The following SAMMSON variants were observed in gnomAD, a reference collection of about 807,000 sequenced individuals.
SAMMSON encodes long intergenic non-protein coding RNA 1212.
chr3:70,246,608 T>C (rs1417925696), intron 4 of SAMMSON, among the ~76,000 whole-genome samples: 1 of 152,086 alleles, frequency 6.6e-6, no homozygotes, highest in African/African-American at 2.4e-5. Context: ...ACGAGGAACA[T>C]ACTTGATAAC....
intron 2 of SAMMSON, among the ~76,000 whole-genome samples, chr3:70,412,534 T>G (rs1432831451): frequency 6.6e-6 from 1 of 152,154 alleles, no homozygotes; most frequent in East Asian, 1.9e-4. Context: ...GGTGCAGAAG[T>G]GTTTGCTAAA....
intron 3 of SAMMSON, among the ~76,000 whole-genome samples, chr3:70,048,449 G>T (rs1384718829): frequency 6.6e-6 from 1 of 151,950 alleles, no homozygotes; most frequent in African/African-American, 2.4e-5. Flanking sequence ...TGGCACATAA[G>T]AATCATTTTT....
At chr3:70,089,216 A>G (rs1371660539) in intron 4 of SAMMSON, among the ~76,000 whole-genome samples, 1 of 152,190 alleles carries the variant, frequency 6.6e-6, no homozygotes, top group Non-Finnish European at 1.5e-5. Context: ...CAAGAATAGA[A>G]GAGTTTTACT....
chr3:70,052,118 TA>T (rs948351206), intron 3 of SAMMSON, among the ~76,000 whole-genome samples: 2 of 151,864 alleles, frequency 1.3e-5, no homozygotes, highest in African/African-American at 4.8e-5. Flanking sequence ...AAATAAATAA[TA>T]AAAAAGAGAG....
intron 4 of SAMMSON, among the ~76,000 whole-genome samples, chr3:70,089,970 T>C (rs938342319): frequency 3.3e-5 from 5 of 152,134 alleles, no homozygotes; most frequent in Non-Finnish European, 1.5e-5. Flanking sequence ...AGTGATTTCC[T>C]ATTATAGGAA....
chr3:70,167,016 G>T (rs766827386), intron 4 of SAMMSON, among the ~76,000 whole-genome samples: 1 of 151,972 alleles, frequency 6.6e-6, no homozygotes, highest in African/African-American at 2.4e-5. Flanking sequence ...AAATTTTATA[G>T]TAGTTACAAT....
intron 2 of SAMMSON, among the ~76,000 whole-genome samples, chr3:70,405,379 A>G (rs1488437766): frequency 6.6e-6 from 1 of 152,252 alleles, no homozygotes; most frequent in African/African-American, 2.4e-5. Flanking sequence ...ATCACAAATT[A>G]CTACACACCC....
intron 4 of SAMMSON, among the ~76,000 whole-genome samples, chr3:70,115,086 A>T (rs1301313678): frequency 6.6e-6 from 1 of 151,938 alleles, no homozygotes; most frequent in Non-Finnish European, 1.5e-5. Context: ...CAGATTATTC[A>T]TTAGAATAAT....
chr3:70,094,215 A>G (rs1424680247), intron 4 of SAMMSON, among the ~76,000 whole-genome samples: 1 of 152,048 alleles, frequency 6.6e-6, no homozygotes, highest in African/African-American at 2.4e-5. Flanking sequence ...CTCCATCCCT[A>G]TCGGCTCCAC....
intron 6 of SAMMSON, among the ~76,000 whole-genome samples, chr3:70,274,190 G>A (rs955281896): frequency 2.6e-5 from 4 of 151,896 alleles, no homozygotes; most frequent in Non-Finnish European, 5.9e-5. Context: ...GGTGGGGGAT[G>A]TGAGTGTTTG....
intron 4 of SAMMSON, among the ~76,000 whole-genome samples, chr3:70,094,227 G>GT (rs2067315862): frequency 6.6e-6 from 1 of 152,040 alleles, no homozygotes; most frequent in South Asian, 2.1e-4. Flanking sequence ...CGGCTCCACT[G>GT]TATAGGCCAC....
chr3:70,043,798 C>T (rs1000684452), intron 3 of SAMMSON, among the ~76,000 whole-genome samples: 3 of 152,002 alleles, frequency 2.0e-5, no homozygotes, highest in African/African-American at 7.2e-5. Context: ...ACTAAAGATG[C>T]ATTTTTGATG....
intron 3 of SAMMSON, among the ~76,000 whole-genome samples, chr3:70,051,581 C>T (rs911170219): frequency 3.3e-5 from 5 of 151,244 alleles, no homozygotes; most frequent in African/African-American, 1.2e-4. Context: ...TATGGACACA[C>T]GAAGATGGGA....
chr3:70,284,945 T>C (rs1352301128), intron 6 of SAMMSON, among the ~76,000 whole-genome samples: 5 of 152,180 alleles, frequency 3.3e-5, no homozygotes, highest in Non-Finnish European at 5.9e-5. Context: ...AACTGATTCA[T>C]GTGCTTTTGA....
chr3:70,108,296 C>T (rs899430132), intron 4 of SAMMSON, among the ~76,000 whole-genome samples: 2 of 151,768 alleles, frequency 1.3e-5, no homozygotes, highest in African/African-American at 4.8e-5. Flanking sequence ...GGTATAAGAA[C>T]GTGGGGAAAG....
intron 4 of SAMMSON, among the ~76,000 whole-genome samples, chr3:70,156,021 C>T (rs2067590623): frequency 6.6e-6 from 1 of 152,010 alleles, no homozygotes; most frequent in African/African-American, 2.4e-5. Flanking sequence ...AGAGTTCAAG[C>T]AATTTGCTCA....
chr3:70,082,753 G>A (rs1458655437), intron 4 of SAMMSON, among the ~76,000 whole-genome samples: 1 of 152,186 alleles, frequency 6.6e-6, no homozygotes, highest in East Asian at 1.9e-4. Flanking sequence ...TCCATGAAAT[G>A]TAGGGAGGAT....
At chr3:70,136,990 T>TATC (rs1199947991) in intron 4 of SAMMSON, among the ~76,000 whole-genome samples, 1 of 152,216 alleles carries the variant, frequency 6.6e-6, no homozygotes, top group Non-Finnish European at 1.5e-5. Context: ...CCTTTTATTT[T>TATC]ATCACAATAT....
At chr3:70,393,899 C>T (rs368364346), downstream of SAMMSON, among the ~76,000 whole-genome samples, 18 of 152,194 alleles carry the variant, frequency 1.2e-4, no homozygotes, top group East Asian at 3.1e-3. Flanking sequence ...ATGCATTTTA[C>T]GTTGGGAAGT....
Sources: gnomAD v4.1 joint callset for allele counts (sites outside exome capture counted in the v4.1 genomes callset) on GRCh38, gnomAD v4.1.1 for gene constraint, MANE v1.5 for transcripts, NCBI Gene and HGNC (gene_info 2026-07-23, HGNC 2026-07-21) for gene names.